PPP2R2C: variants seen among roughly 807,000 people sequenced by gnomAD.
PPP2R2C encodes the protein protein phosphatase 2 regulatory subunit Bgamma.
PPP2R2C carries 10 observed loss-of-function variants against 45.3 expected under a neutral mutation model. The ratio of observed to expected loss-of-function variants is 0.22; its 90% confidence interval spans 0.14 to 0.37. PPP2R2C has a LOEUF of 0.37. Ranked by LOEUF, PPP2R2C falls within the 10% of genes least tolerant of loss-of-function variation. The pLI is 1.00. For missense variants in PPP2R2C, 308 were observed against 619.7 expected (o/e 0.50, Z 5.34); for synonymous variants, 257 against 245.4 (o/e 1.05, Z -0.44).
rs1443669780 is a variant in PPP2R2C, at chr4:6,328,704, G to A, written c.1052+558C>T. Among the ~76,000 whole-genome samples, 1 of 152,220 alleles carries A rather than the reference G, an allele frequency of 6.6e-6. No individual in the cohort carries two copies. Among genetic ancestry groups the A allele is most frequent in the Non-Finnish European group, 1.5e-5 (1 of 68,038 alleles). On this transcript the variant is annotated intron_variant, in intron 8 of 8. Transcript: ENST00000382599. This position sits in a 1 kb window ranked among gnomAD's most constrained non-coding sequence, Gnocchi z 4.4. Reference sequence around the variant, plus strand: ...GGGGCGCCACTTTCCAGGCAGGTGGGGTTGAGAGACGGCTGGACTTGTGGA... The same window carrying A: ...GGGGCGCCACTTTCCAGGCAGGTGGAGTTGAGAGACGGCTGGACTTGTGGA...
rs555282525 is a variant in PPP2R2C at position 6,423,641 on chromosome 4, A to G, written c.71-42547T>C. Among the ~76,000 whole-genome samples the G allele has an allele frequency of 2.0e-5, 3 of 152,384 alleles. No individual in the cohort carries two copies. In the East Asian group the frequency reaches 5.8e-4, roughly 29 times the overall value. ...CATTAACTGTAATACAGTACTTTGG[A>G]GGAAATGAACAAAGGGTTGAAGTGA... On this transcript the variant is annotated intron_variant, in intron 1 of 8. Transcript: ENST00000382599.
In PPP2R2C at chr4:6,322,087, C is replaced by A. The variant is rs1489514037; in HGVS notation, c.*1215G>T. On this transcript the variant is annotated 3_prime_UTR_variant, in exon 9 of 9. Coordinates refer to ENST00000382599, the MANE Select transcript of PPP2R2C (RefSeq NM_020416.4). The surrounding 1 kb of genome is among the most constrained non-coding windows in gnomAD (Gnocchi z 7.8). ...CTGTCTTCCATCCTGCGTCTCAGTT[C>A]TCCTGGACCCTTGTCGTCGCCAAGT... 1 of 148,192 alleles carries A rather than the reference C, an allele frequency of 6.7e-6. No individual in the cohort carries two copies. The highest frequency in any genetic ancestry group is 2.5e-5 in the African/African-American group (1 of 40,384). 9.2% of individuals were successfully genotyped at this position (148,192 alleles called of 1,614,324 possible). A position where few individuals can be genotyped will look rare whatever the true frequency, so the allele number is the denominator to read the frequency against.
At chr4:6,381,773 A>T (rs746224170) in intron 1 of PPP2R2C, 3 of 1,611,558 alleles carry the variant, frequency 1.9e-6, no homozygotes, top group Middle Eastern at 1.7e-4. Context: ...AGTCACCCCC[A>T]TACCTGGAGT....
chr4:6,368,755 CA>C lies in PPP2R2C; in HGVS notation c.625+3767del, dbSNP rs1714554084. ...GTGGCCACGCTCTGGCCCTGCCTCT[CA>C]CTCTCTCTCCCCGGGTCTCCTTGCT... On this transcript the variant is annotated intron_variant, in intron 5 of 8. Coordinates refer to ENST00000382599, the MANE Select transcript of PPP2R2C (RefSeq NM_020416.4). The surrounding 1 kb of genome is among the most constrained non-coding windows in gnomAD (Gnocchi z 4.2). 6.6e-6 allele frequency among the ~76,000 whole-genome samples: 1 copy of C among 152,148 alleles called. No homozygotes were observed. The highest frequency in any genetic ancestry group is 2.4e-5 in the African/African-American group (1 of 41,438).
In PPP2R2C at chr4:6,378,586, C is replaced by T. The variant is rs771617151; in HGVS notation, c.169-14G>A. 2 of 1,608,820 alleles carry T rather than the reference C, an allele frequency of 1.2e-6. No homozygotes were observed. The highest frequency in any genetic ancestry group is 2.2e-5 in the East Asian group (1 of 44,746). The stretch of plus-strand genomic sequence containing the variant: ...CGCATTTTTACTCTGCAGGGAAACC[C>T]GGAGAAGGGGCCTGAGCACCGTGAC... On this transcript the variant is annotated splice_polypyrimidine_tract_variant and intron_variant, in intron 2 of 8. Transcript: ENST00000382599. The surrounding 1 kb of genome is among the most constrained non-coding windows in gnomAD (Gnocchi z 5.2).
intron 1 of PPP2R2C, among the ~76,000 whole-genome samples, chr4:6,554,964 AAAGAG>A (rs1560620465): frequency 7.8e-4 from 111 of 142,834 alleles, no homozygotes; most frequent in Non-Finnish European, 1.1e-3. Context: ...AGAAAGAAAG[AAAGAG>A]AAAGAAAGAA....
intron 1 of PPP2R2C, among the ~76,000 whole-genome samples, chr4:6,419,433 A>G (rs1407418921): frequency 7.1e-6 from 1 of 141,606 alleles, no homozygotes; most frequent in Non-Finnish European, 1.6e-5. Flanking sequence ...GTCTAAAAAA[A>G]GAAAGAAAAG....
chr4:6,339,282 T>G (rs1733256960), intron 6 of PPP2R2C, among the ~76,000 whole-genome samples: 1 of 152,298 alleles, frequency 6.6e-6, no homozygotes, highest in Non-Finnish European at 1.5e-5. Flanking sequence ...CCTTGGTCAT[T>G]AGTCACTGAT....
chr4:6,362,881 C>T lies in PPP2R2C; in HGVS notation c.625+9642G>A, dbSNP rs1052702424. Among the ~76,000 whole-genome samples the T allele has an allele frequency of 1.2e-4, 3 of 25,220 alleles. No homozygotes were observed. The Admixed American group carries it at 1.7e-3, about 14-fold the overall frequency. 16.5% of individuals were successfully genotyped at this position (25,220 alleles called of 152,430 possible). A position where few individuals can be genotyped will look rare whatever the true frequency, so the allele number is the denominator to read the frequency against. Reference sequence around the variant, plus strand: ...CAGCCCTGGCACCCCCTTTCCCCTGCACCCCCTTTCCCCTTTGACTTTGGG... The same window carrying T: ...CAGCCCTGGCACCCCCTTTCCCCTGTACCCCCTTTCCCCTTTGACTTTGGG... On this transcript the variant is annotated intron_variant, in intron 5 of 8. Coordinates refer to ENST00000382599, the MANE Select transcript of PPP2R2C (RefSeq NM_020416.4).
Position 6,330,505 on chromosome 4 carries a change from A to C in PPP2R2C, c.961-1152T>G, listed in dbSNP as rs1313610186. On this transcript the variant is annotated intron_variant, in intron 7 of 8. Coordinates refer to ENST00000382599, the MANE Select transcript of PPP2R2C (RefSeq NM_020416.4). This position sits in a 1 kb window ranked among gnomAD's most constrained non-coding sequence, Gnocchi z 7.0. Reference sequence around the variant, plus strand: ...CTCCATCATGTGGGGGGCCTTGTCCAATCAGTCGAAGGCCCTGATAGAACA... The same window carrying C: ...CTCCATCATGTGGGGGGCCTTGTCCCATCAGTCGAAGGCCCTGATAGAACA... Among the ~76,000 whole-genome samples the C allele has an allele frequency of 1.3e-5, 2 of 152,192 alleles. No individual in the cohort carries two copies. The highest frequency in any genetic ancestry group is 2.1e-4 in the South Asian group (1 of 4,818).
intron 2 of PPP2R2C, among the ~76,000 whole-genome samples, chr4:6,507,203 T>A (rs538631888): frequency 6.6e-6 from 1 of 152,344 alleles, no homozygotes; most frequent in East Asian, 1.9e-4. Context: ...AATGTCAAGC[T>A]GCAGCTGGGA....
rs769298892 is a variant in PPP2R2C at position 6,378,368 on chromosome 4, G to C, written c.334+39C>G. 4 of 1,613,322 alleles carry C rather than the reference G, an allele frequency of 2.5e-6. No individual in the cohort carries two copies. The highest frequency in any genetic ancestry group is 1.7e-6 in the Non-Finnish European group (2 of 1,179,886). ...ACCAGCATTTGGTAGAAACATCTACGGCCTGTGCCCATGCAAGCGAGGCCG... is the reference window on the plus strand; with the variant it reads ...ACCAGCATTTGGTAGAAACATCTACCGCCTGTGCCCATGCAAGCGAGGCCG... On this transcript the variant is annotated intron_variant, in intron 3 of 8. Coordinates refer to ENST00000382599, the MANE Select transcript of PPP2R2C (RefSeq NM_020416.4). The surrounding 1 kb of genome is among the most constrained non-coding windows in gnomAD (Gnocchi z 5.2).
chr4:6,362,066 G>A (rs1048291227), intron 5 of PPP2R2C, among the ~76,000 whole-genome samples: 1 of 152,188 alleles, frequency 6.6e-6, no homozygotes, highest in Non-Finnish European at 1.5e-5. Flanking sequence ...AAGAGGGGGA[G>A]TGCAAGGCTC....
chr4:6,322,106 G>T lies in PPP2R2C; in HGVS notation c.*1196C>A, dbSNP rs1396015421. The T allele has an allele frequency of 7.0e-5, 2 of 28,620 alleles. No individual in the cohort carries two copies. The highest frequency in any genetic ancestry group is 8.7e-5 in the Non-Finnish European group (1 of 11,542). The allele number at this position is 28,620 out of a possible 1,614,324, so 1.8% of individuals were successfully genotyped here. A position where few individuals can be genotyped will look rare whatever the true frequency, so the allele number is the denominator to read the frequency against. On this transcript the variant is annotated 3_prime_UTR_variant, in exon 9 of 9. Transcript: ENST00000382599. This position sits in a 1 kb window ranked among gnomAD's most constrained non-coding sequence, Gnocchi z 7.8. ...TCAGTTCTCCTGGACCCTTGTCGTC[G>T]CCAAGTCTGCCATGTCCTACTTCAC...
Position 6,349,180 on chromosome 4 carries a change from A to G in PPP2R2C, c.626-1170T>C, listed in dbSNP as rs570143051. 5.1e-6 allele frequency: 5 copies of G among 985,136 alleles called. No homozygotes were observed. In the East Asian group the frequency reaches 4.6e-4, roughly 90 times the overall value. The allele number at this position is 985,136 out of a possible 1,614,324, so 61.0% of individuals were successfully genotyped here. On this transcript the variant is annotated intron_variant, in intron 5 of 8. Transcript: ENST00000382599. ...AAAGGCCCTCTCCCCTCTCACAGCA[A>G]TGACCTCAGGCTCCGGTCTCCCCGG...
intron 1 of PPP2R2C, among the ~76,000 whole-genome samples, chr4:6,453,124 G>C (rs376156918): frequency 6.6e-6 from 1 of 152,072 alleles, no homozygotes; most frequent in Non-Finnish European, 1.5e-5. Flanking sequence ...CCTGAGCATC[G>C]GATACACCTA....
intron 1 of PPP2R2C, among the ~76,000 whole-genome samples, chr4:6,429,001 T>C (rs1719475807): frequency 6.6e-6 from 1 of 152,282 alleles, no homozygotes; most frequent in Middle Eastern, 3.4e-3. Context: ...AGATAGCCAA[T>C]ATTTTAGGCT....
At chr4:6,403,473 G>T (rs1179251391) in intron 1 of PPP2R2C, among the ~76,000 whole-genome samples, 1 of 152,216 alleles carries the variant, frequency 6.6e-6, no homozygotes, top group Non-Finnish European at 1.5e-5. Context: ...GTGCGCCAGG[G>T]GTTGCAGGAG....
rs367696094 is a variant in PPP2R2C, at chr4:6,323,546, C to T, written c.1100G>A (p.Arg367Gln). 4 of 1,586,884 alleles carry T rather than the reference C, an allele frequency of 2.5e-6. No individual in the cohort carries two copies. The highest frequency in any genetic ancestry group is 2.3e-5 in the East Asian group (1 of 44,136). ...AYNNFFRMFD[R>Q]NTKRDVTLEA... ...CAGGGTCACGTCCCGCTTGGTGTTC[C>T]GATCGAACATGCGGAAGAAGTTGTT... is the stretch of plus-strand genomic sequence containing the variant. The change falls in exon 9 of 9, where the codon CGG becomes CAG. Residue 367 changes from arginine (R) to glutamine (Q), a missense_variant. Coordinates refer to ENST00000382599, the MANE Select transcript of PPP2R2C (RefSeq NM_020416.4).
Sources: gnomAD v4.1 joint callset for allele counts (sites outside exome capture counted in the v4.1 genomes callset) on GRCh38, gnomAD v4.1.1 for gene constraint, Gnocchi (gnomAD v3.1) non-coding constraint, MANE v1.5 for transcripts, NCBI Gene and HGNC (gene_info 2026-07-23, HGNC 2026-07-21) for gene names.